Variants in KANK2 observed in about 807,000 individuals in gnomAD.
KANK2 encodes KN motif and ankyrin repeat domains 2, also known as KN motif and ankyrin repeat domain-containing protein 2.
A neutral mutation model predicts 74.6 loss-of-function variants in KANK2; 41 were observed. The observed-to-expected ratio is 0.55, with a 90% CI of 0.43 to 0.71. The LOEUF (loss-of-function observed/expected upper bound fraction) is 0.71. KANK2 is among the 30% of genes least tolerant of loss of function. KANK2 has a pLI of 0.00. For missense variants in KANK2, 1,148 were observed against 1,196.4 expected (o/e 0.96, Z 0.60); for synonymous variants, 537 against 519.0 (o/e 1.03, Z -0.47).
chr19:11,178,516 G>A (rs751983303), intron 5 of KANK2, 37 bp downstream of exon 5: 34 of 1,602,494 alleles, frequency 2.1e-5, no homozygotes, highest in African/African-American at 2.7e-5. Flanking sequence ...GCGCCATCCC[G>A]GTGCCCCGTC....
chr19:11,193,481 C>T lies in KANK2; in HGVS notation c.599G>A (p.Arg200Gln), dbSNP rs141399766. Residue 200 changes from arginine to glutamine, a missense_variant, in exon 4 of 13, where the codon CGG (arginine) becomes CAG (glutamine). Coordinates refer to ENST00000586659, the MANE Select transcript of KANK2 (RefSeq NM_001136191.3). The surrounding 1 kb of genome is among the most constrained non-coding windows in gnomAD (Gnocchi z 9.6). Reference protein sequence around the residue: ...EQMAGALRKLRQLEEQVKLIP... With the variant: ...EQMAGALRKLQQLEEQVKLIP... Reference sequence around the variant, plus strand: ...CAGCTTCACCTGCTCCTCCAGCTGCCGCAGCTTCCGCAGGGCACCCGCCAT... The same window carrying T: ...CAGCTTCACCTGCTCCTCCAGCTGCTGCAGCTTCCGCAGGGCACCCGCCAT... 57 of 1,611,008 alleles carry T rather than the reference C, an allele frequency of 3.5e-5. No homozygotes were observed. Among genetic ancestry groups the T allele is most frequent in the African/African-American group, 9.3e-5 (7 of 74,930 alleles).
At chr19:11,189,536 G>A (rs540504821) in intron 4 of KANK2, among the ~76,000 whole-genome samples, 29 of 149,180 alleles carry the variant, frequency 1.9e-4, no homozygotes, top group South Asian at 2.1e-4. Flanking sequence ...CTCGGGAGGC[G>A]GGGGTTGCAG....
intron 9 of KANK2, 92 bp downstream of exon 9, chr19:11,174,381 T>A (rs2078268565): frequency 9.8e-7 from 1 of 1,020,316 alleles, no homozygotes; most frequent in African/African-American, 1.6e-5. Context: ...ATCTTCCCCA[T>A]CAGATGGGGA....
intron 4 of KANK2, among the ~76,000 whole-genome samples, chr19:11,191,185 T>C (rs956513457): frequency 6.6e-6 from 1 of 151,376 alleles, no homozygotes; most frequent in African/African-American, 2.4e-5. Flanking sequence ...GGACTACAGG[T>C]GTGCGCCACC....
intron 3 of KANK2, 151 bp from the exon 4 acceptor site, chr19:11,194,193 CAGGGCT>C: frequency 2.4e-6 from 2 of 838,930 alleles, no homozygotes; most frequent in Non-Finnish European, 3.6e-6. Context: ...CCCTCCAGAG[CAGGGCT>C]ATGCCTCCCC....
At chr19:11,194,773 T>G in intron 2 of KANK2, 183 bp from the exon 3 acceptor site, 1 of 385,888 alleles carries the variant, frequency 2.6e-6, no homozygotes, top group Non-Finnish European at 4.7e-6. Flanking sequence ...CCCGCAGGTC[T>G]GGAACAAAGA....
At chr19:11,189,320 C>T (rs1237293163) in intron 4 of KANK2, among the ~76,000 whole-genome samples, 1 of 152,028 alleles carries the variant, frequency 6.6e-6, no homozygotes, top group Admixed American at 6.6e-5. Context: ...CCCCGATTTG[C>T]AAATGAGGAA....
At chr19:11,192,205 G>A (rs2078865680) in intron 4 of KANK2, among the ~76,000 whole-genome samples, 1 of 152,156 alleles carries the variant, frequency 6.6e-6, no homozygotes, top group South Asian at 2.1e-4. Context: ...TAAACAGGGA[G>A]GTTTCTGCCT....
At position 11,178,678 on chromosome 19, in the gene KANK2, C is replaced by G. The variant is rs945419304; in HGVS notation, c.1292G>C (p.Gly431Ala). 4 of 1,543,480 alleles carry G rather than the reference C, an allele frequency of 2.6e-6. No homozygotes were observed. In the Admixed American group the frequency reaches 9.1e-5, roughly 35 times the overall value. Residue 431 changes from glycine to alanine, a missense_variant, in exon 5 of 13, where the codon GGG becomes GCG. Coordinates refer to ENST00000586659, the MANE Select transcript of KANK2 (RefSeq NM_001136191.3). ...VPAESSSSPP[G>A]SEVASLTQPE... ...CTGTGTAAGGGAGGCTACCTCGGAC[C>G]CCGGGGGTGACGAAGACGATTCGGC...
rs938384099 is a variant in KANK2, at chr19:11,170,507, G to T, written c.2212-259C>A. ...TGATGGATACAGGTTTCCTTTGGGG[G>T]TGAAGAGAACGTTCTGGAACTAGAC... On this transcript the variant is annotated intron_variant, in intron 10 of 12. Coordinates refer to ENST00000586659, the MANE Select transcript of KANK2 (RefSeq NM_001136191.3). The surrounding 1 kb of genome is among the most constrained non-coding windows in gnomAD (Gnocchi z 5.2). 1 of 554,562 alleles carries T rather than the reference G, an allele frequency of 1.8e-6. No individual in the cohort carries two copies. Among genetic ancestry groups the T allele is most frequent in the Non-Finnish European group, 3.2e-6 (1 of 308,482 alleles). 34.4% of individuals were successfully genotyped at this position (554,562 alleles called of 1,614,324 possible).
intron 4 of KANK2, among the ~76,000 whole-genome samples, chr19:11,181,018 C>T (rs11879974): frequency 0.36 from 50,121 of 138,134 alleles, 8,949 homozygotes; most frequent in East Asian, 0.56. Flanking sequence ...ACCCGGAAGG[C>T]GGAGGTTGCA....
intron 4 of KANK2, chr19:11,192,407 G>T: frequency 3.7e-6 from 1 of 269,830 alleles, no homozygotes; most frequent in South Asian, 4.0e-5. Context: ...GGAAGGTCGG[G>T]GGCTGGGGCT....
At chr19:11,182,686 A>G (rs971130585) in intron 4 of KANK2, among the ~76,000 whole-genome samples, 1 of 151,188 alleles carries the variant, frequency 6.6e-6, no homozygotes, top group African/African-American at 2.4e-5. Flanking sequence ...TACTAAAAAT[A>G]TAAAAAATTA....
In KANK2 at chr19:11,193,963, G is replaced by A. The variant is rs780685493; in HGVS notation, c.117C>T (p.Gly39=). ...TGAGGAAGTCCAGGTCCAGGCGGTA[G>A]CCATAGGGGGTCTCCACGGAGTAGG... The part of the protein sequence containing the change: ...DPPYSVETPY[G]YRLDLDFLKY... Residue 39 remains glycine, a synonymous_variant, in exon 4 of 13, where the codon GGC becomes GGT. Transcript: ENST00000586659. This position sits in a 1 kb window ranked among gnomAD's most constrained non-coding sequence, Gnocchi z 9.6. The A allele has an allele frequency of 6.2e-7, 1 of 1,614,094 alleles. No individual in the cohort carries two copies. Among genetic ancestry groups the A allele is most frequent in the South Asian group, 1.1e-5 (1 of 91,082 alleles).
intron 4 of KANK2, among the ~76,000 whole-genome samples, chr19:11,189,622 A>C (rs1180187002): frequency 6.7e-6 from 1 of 149,594 alleles, no homozygotes; most frequent in Non-Finnish European, 1.5e-5. Flanking sequence ...AAAAAAAAAA[A>C]AAAAAAAAAA....
chr19:11,166,692 G>A, intron 12 of KANK2, 81 bp from the exon 13 acceptor site: 1 of 1,334,726 alleles, frequency 7.5e-7, no homozygotes, highest in African/African-American at 1.4e-5. Context: ...TGGCCTGGTA[G>A]ATATGATGGG....
In KANK2 at chr19:11,178,700, C is replaced by T. The variant is rs376142633; in HGVS notation, c.1270G>A (p.Glu424Lys). Residue 424 changes from glutamate (E) to lysine (K), a missense_variant, in exon 5 of 13, where the codon GAA becomes AAA. Glu to Lys is a moderately conservative substitution (Grantham distance 56). Coordinates refer to ENST00000586659, the MANE Select transcript of KANK2 (RefSeq NM_001136191.3). ...GACCCCGGGGGTGACGAAGACGATTCGGCAGGAACTTCTGGGAGGCCTGGA... is the reference window on the plus strand; with the variant it reads ...GACCCCGGGGGTGACGAAGACGATTTGGCAGGAACTTCTGGGAGGCCTGGA... ...GAAGLPEVPA[E>K]SSSSPPGSEV... is the part of the protein sequence containing the mutation. 23 of 1,532,714 alleles carry T rather than the reference C, an allele frequency of 1.5e-5. No individual in the cohort carries two copies. The highest frequency in any genetic ancestry group is 7.1e-5 in the Admixed American group (3 of 42,290). The allele number at this position is 1,532,714 out of a possible 1,614,324, so 94.9% of individuals were successfully genotyped here. A position where few individuals can be genotyped will look rare whatever the true frequency, so the allele number is the denominator to read the frequency against.
In KANK2 at chr19:11,166,591, G is replaced by A. The variant is rs1179136734; in HGVS notation, c.2523C>T (p.Asp841=). Residue 841 remains aspartate, a synonymous_variant, in exon 13 of 13, where the codon GAC becomes GAT. Transcript: ENST00000586659. The part of the protein sequence containing the change: ...IKCSFAPMSD[D]ESPTSSSAEE ...CTGCCGAGGATGATGTAGGGCTCTC[G>A]TCATCTGACATTGGGGCAAACTGAA... 6.8e-6 allele frequency: 11 copies of A among 1,614,186 alleles called. No individual in the cohort carries two copies. The highest frequency in any genetic ancestry group is 1.1e-5 in the South Asian group (1 of 91,078).
At chr19:11,169,209 G>A (rs572894419) in intron 12 of KANK2, among the ~76,000 whole-genome samples, 2 of 152,048 alleles carry the variant, frequency 1.3e-5, no homozygotes, top group African/African-American at 4.8e-5. Flanking sequence ...ATGGTGGTGT[G>A]CACCTGTAAT....
Sources: allele counts gnomAD v4.1 joint callset (sites outside exome capture counted in the v4.1 genomes callset), GRCh38; gene constraint gnomAD v4.1.1; non-coding constraint Gnocchi (gnomAD v3.1); transcripts MANE v1.5; gene names NCBI Gene and HGNC (gene_info 2026-07-23, HGNC 2026-07-21).